EML4: variants seen among roughly 807,000 people sequenced by gnomAD.
The protein encoded by EML4 is echinoderm microtubule-associated protein-like 4.
Under a neutral mutation model 129.0 loss-of-function variants are expected in EML4, and 72 were observed. The observed-to-expected ratio is 0.56, with a 90% CI of 0.46 to 0.68. The LOEUF is 0.68. Ranked by LOEUF, EML4 falls within the 30% of genes least tolerant of loss-of-function variation. The pLI is 0.00. For missense variants in EML4, 1,363 were observed against 1,190.6 expected (o/e 1.14, Z -2.13); for synonymous variants, 532 against 405.0 (o/e 1.31, Z -3.77).
At chr2:42,306,647 C>T (rs113991330) in intron 17 of EML4, among the ~76,000 whole-genome samples, 15 of 141,160 alleles carry the variant, frequency 1.1e-4, no homozygotes, top group African/African-American at 3.5e-4. Flanking sequence ...CGCCCTGCCA[C>T]CACGCCTGGC....
At chr2:42,305,898 GC>G in intron 17 of EML4, among the ~76,000 whole-genome samples, 1 of 152,176 alleles carries the variant, frequency 6.6e-6, no homozygotes, top group East Asian at 1.9e-4. Context: ...TTTTTTTATA[GC>G]GATTTTTCCT....
intron 2 of EML4, among the ~76,000 whole-genome samples, chr2:42,256,247 G>C (rs1353724107): frequency 1.3e-5 from 2 of 152,146 alleles, no homozygotes; most frequent in African/African-American, 4.8e-5. Flanking sequence ...AAACCATTTA[G>C]CTAAGAGAAC....
intron 1 of EML4, among the ~76,000 whole-genome samples, chr2:42,217,391 C>G (rs1240101055): frequency 2.6e-5 from 4 of 152,034 alleles, no homozygotes; most frequent in Non-Finnish European, 5.9e-5. Flanking sequence ...TTAACCTTTA[C>G]TGTAAAAAAA....
chr2:42,239,337 A>G (rs1260898620), intron 1 of EML4, among the ~76,000 whole-genome samples: 3 of 152,256 alleles, frequency 2.0e-5, no homozygotes, highest in Non-Finnish European at 4.4e-5. Flanking sequence ...AACACAATAT[A>G]CTTACCTTTG....
chr2:42,245,756 A>C (rs543760080), intron 2 of EML4, 69 bp downstream of exon 2: 2 of 1,401,966 alleles, frequency 1.4e-6, no homozygotes, highest in South Asian at 1.5e-5. Flanking sequence ...TGAAGCTGGA[A>C]ATATAAAACT....
intron 7 of EML4, 86 bp downstream of exon 7, chr2:42,281,059 T>G (rs1353336275): frequency 8.6e-7 from 1 of 1,159,786 alleles, no homozygotes; most frequent in Non-Finnish European, 1.2e-6. Flanking sequence ...AAAATTGTCT[T>G]TATACAAAAA....
At chr2:42,282,601 C>T (rs72972018) in intron 7 of EML4, among the ~76,000 whole-genome samples, 1,634 of 152,110 alleles carry the variant, frequency 0.011, 36 homozygotes, top group African/African-American at 0.036. Context: ...CACTATTGCC[C>T]GCACTACTCT....
intron 1 of EML4, among the ~76,000 whole-genome samples, chr2:42,217,435 A>T (rs375848568): frequency 7.9e-5 from 12 of 152,322 alleles, no homozygotes; most frequent in African/African-American, 2.4e-4. Context: ...CATGTTATAG[A>T]TTCAGTACAT....
Position 42,261,105 on chromosome 2 carries a change from A to G in EML4, c.339-16A>G. On this transcript the variant is annotated splice_polypyrimidine_tract_variant and intron_variant, in intron 3 of 22. Transcript: ENST00000318522. ...GTTTAAATGTGTATTGTTCCATGTTATACTTTATTTTACAGTGGTACAGAA... is the reference window on the plus strand; with the variant it reads ...GTTTAAATGTGTATTGTTCCATGTTGTACTTTATTTTACAGTGGTACAGAA... The G allele has an allele frequency of 1.3e-6, 2 of 1,572,132 alleles. No homozygotes were observed. Among genetic ancestry groups the G allele is most frequent in the Non-Finnish European group, 1.7e-6 (2 of 1,152,600 alleles).
intron 1 of EML4, among the ~76,000 whole-genome samples, chr2:42,226,615 C>G (rs970744746): frequency 6.6e-6 from 1 of 151,810 alleles, no homozygotes; most frequent in Non-Finnish European, 1.5e-5. Flanking sequence ...TGAGATCGTG[C>G]CATTGCACTC....
intron 1 of EML4, among the ~76,000 whole-genome samples, chr2:42,213,048 T>C (rs564783638): frequency 1.6e-4 from 25 of 152,318 alleles, no homozygotes; most frequent in African/African-American, 6.0e-4. Context: ...TGTAACATAG[T>C]ATCAATAATG....
At chr2:42,259,305 C>T (rs2104372588) in intron 3 of EML4, among the ~76,000 whole-genome samples, 1 of 151,788 alleles carries the variant, frequency 6.6e-6, no homozygotes. Flanking sequence ...TAGTAGTTTC[C>T]TACCTTTTCA....
At chr2:42,249,173 A>G (rs1675608899) in intron 2 of EML4, among the ~76,000 whole-genome samples, 1 of 152,172 alleles carries the variant, frequency 6.6e-6, no homozygotes, top group South Asian at 2.1e-4. Context: ...TAAGCAAAGT[A>G]TTTTCAAATA....
chr2:42,210,420 A>G (rs1046031097), intron 1 of EML4, among the ~76,000 whole-genome samples: 8 of 152,198 alleles, frequency 5.3e-5, no homozygotes, highest in Non-Finnish European at 8.8e-5. Context: ...GAGCAACATG[A>G]CATCATTGAT....
chr2:42,176,576 G>A (rs1670615775), intron 1 of EML4, among the ~76,000 whole-genome samples: 1 of 151,986 alleles, frequency 6.6e-6, no homozygotes, highest in Non-Finnish European at 1.5e-5. Context: ...ACTATTCTCA[G>A]TACCCTTCAA....
intron 1 of EML4, among the ~76,000 whole-genome samples, chr2:42,240,789 A>G (rs887401523): frequency 1.3e-5 from 2 of 152,180 alleles, no homozygotes; most frequent in East Asian, 1.9e-4. Flanking sequence ...AGCCTGATGT[A>G]AGTACCAGTT....
At chr2:42,312,392 T>G (rs1276715399) in intron 17 of EML4, among the ~76,000 whole-genome samples, 1 of 152,080 alleles carries the variant, frequency 6.6e-6, no homozygotes, top group Non-Finnish European at 1.5e-5. Context: ...CCAACCAACA[T>G]TTAATATTAA....
At chr2:42,177,699 A>T (rs991533334) in intron 1 of EML4, among the ~76,000 whole-genome samples, 3 of 152,092 alleles carry the variant, frequency 2.0e-5, no homozygotes, top group African/African-American at 7.2e-5. Context: ...AATGTTCTAG[A>T]CTTTATTGGG....
chr2:42,256,568 A>C lies in EML4; in HGVS notation c.276A>C (p.Lys92Asn). The change falls in exon 3 of 23, where the codon AAA becomes AAC. Residue 92 changes from lysine (K) to asparagine (N), a missense_variant. By Grantham distance (94) the Lys-to-Asn change is moderately conservative. Transcript: ENST00000318522. ...CITNGSGANR[K>N]PSHTSAVSIA... ...CCAATGGAAGTGGTGCAAACAGAAA[A>C]CCAAGTCATACCAGTGCTGTCTCAA... 1 of 1,613,994 alleles carries C rather than the reference A, an allele frequency of 6.2e-7. No homozygotes were observed. The highest frequency in any genetic ancestry group is 8.5e-7 in the Non-Finnish European group (1 of 1,179,886).
Sources: gnomAD v4.1 joint callset for allele counts (sites outside exome capture counted in the v4.1 genomes callset) on GRCh38, gnomAD v4.1.1 for gene constraint, MANE v1.5 for transcripts, NCBI Gene and HGNC (gene_info 2026-07-23, HGNC 2026-07-21) for gene names.